Variants in BLTP1 observed in about 807,000 individuals in gnomAD.
The protein encoded by BLTP1 is bridge-like lipid transfer protein family member 1.
At chr4:122,316,921 T>C in the BLTP1 span, 1 of 1,204,760 alleles carries the variant, frequency 8.3e-7, no homozygotes, top group Non-Finnish European at 1.2e-6. Flanking sequence ...TCATAAGATG[T>C]TAAAAGTGGA....
At chr4:122,319,559 T>G in the BLTP1 span, among the ~76,000 whole-genome samples, 1 of 130,696 alleles carries the variant, frequency 7.7e-6, no homozygotes, top group Non-Finnish European at 1.7e-5. Context: ...TTTTTTTTTT[T>G]GACACAGAGT....
chr4:122,356,132 T>C, the BLTP1 span: 1 of 618,930 alleles, frequency 1.6e-6, no homozygotes, highest in Non-Finnish European at 2.7e-6. Context: ...TCTTATCAGC[T>C]ATATGACCTC....
chr4:122,341,868 G>C, the BLTP1 span: 2 of 965,412 alleles, frequency 2.1e-6, no homozygotes, highest in Non-Finnish European at 2.5e-6. Context: ...AAGTAAGTAT[G>C]GGTTAGCGAA....
chr4:122,254,618 C>CT, the BLTP1 span: 2 of 836,298 alleles, frequency 2.4e-6, no homozygotes, highest in Non-Finnish European at 2.8e-6. Context: ...TTTTTTTTTT[C>CT]TTTCTTTTCT....
At chr4:122,227,198 G>A in the BLTP1 span, 1 of 1,006,968 alleles carries the variant, frequency 9.9e-7, no homozygotes, top group Non-Finnish European at 1.2e-6. Flanking sequence ...ACATGACATG[G>A]TTTGCAGACC....
the BLTP1 span, among the ~76,000 whole-genome samples, chr4:122,178,383 G>A: frequency 6.6e-6 from 1 of 152,174 alleles, no homozygotes; most frequent in African/African-American, 2.4e-5. Context: ...AGCAATGAGG[G>A]AAATTAAGAG....
chr4:122,343,630 G>A, the BLTP1 span: 2 of 1,607,872 alleles, frequency 1.2e-6, no homozygotes, highest in South Asian at 1.1e-5. Context: ...GCATGTTTAT[G>A]TCTTTTTCAG....
chr4:122,258,676 C>T, the BLTP1 span: 1 of 1,600,718 alleles, frequency 6.2e-7, no homozygotes, highest in Non-Finnish European at 8.5e-7. Flanking sequence ...ATCTATTGCT[C>T]ACTTATTCTT....
the BLTP1 span, chr4:122,239,438 G>T: frequency 1.7e-6 from 2 of 1,178,220 alleles, no homozygotes; most frequent in Non-Finnish European, 1.2e-6. Flanking sequence ...TTACTAAAAG[G>T]ATTTTTATTG....
At chr4:122,184,038 A>G in the BLTP1 span, among the ~76,000 whole-genome samples, 64 of 152,332 alleles carry the variant, frequency 4.2e-4, no homozygotes, top group Non-Finnish European at 9.0e-4. Flanking sequence ...TAAAAAAGAA[A>G]AGTTTAGTCA....
the BLTP1 span, among the ~76,000 whole-genome samples, chr4:122,159,938 AGAATCCTGGGACT>A: frequency 6.6e-6 from 1 of 152,250 alleles, no homozygotes; most frequent in Non-Finnish European, 1.5e-5. Flanking sequence ...TGTTGTGTAT[AGAATCCTGGGACT>A]GAAAAGGACC....
the BLTP1 span, among the ~76,000 whole-genome samples, chr4:122,275,485 T>C: frequency 6.6e-6 from 1 of 152,168 alleles, no homozygotes; most frequent in African/African-American, 2.4e-5. Flanking sequence ...TGAAGTACCA[T>C]GGGTACGTTA....
chr4:122,296,924 A>T, the BLTP1 span, among the ~76,000 whole-genome samples: 1 of 152,242 alleles, frequency 6.6e-6, no homozygotes, highest in African/African-American at 2.4e-5. Flanking sequence ...TTAACTCAAG[A>T]TGGATTAAAG....
chr4:122,200,912 T>A, the BLTP1 span: 2 of 1,479,178 alleles, frequency 1.4e-6, no homozygotes, highest in East Asian at 4.7e-5. Context: ...GAAAATGTTT[T>A]AATTACTCAC....
the BLTP1 span, among the ~76,000 whole-genome samples, chr4:122,265,705 G>A: frequency 6.6e-6 from 1 of 152,068 alleles, no homozygotes; most frequent in Non-Finnish European, 1.5e-5. Context: ...GTTGTTGTTT[G>A]TTTGTTTGTT....
At chr4:122,277,425 A>G in the BLTP1 span, 1 of 980,178 alleles carries the variant, frequency 1.0e-6, no homozygotes, top group Non-Finnish European at 1.2e-6. Flanking sequence ...ATCATATCCT[A>G]TCTGTGGAAT....
At chr4:122,336,386 A>T in the BLTP1 span, 1 of 1,408,358 alleles carries the variant, frequency 7.1e-7, no homozygotes, top group Non-Finnish European at 9.7e-7. Flanking sequence ...TCCCCATAAC[A>T]TATATTTTGG....
At chr4:122,254,178 C>A in the BLTP1 span, 4 of 1,609,618 alleles carry the variant, frequency 2.5e-6, no homozygotes, top group Non-Finnish European at 3.4e-6. Flanking sequence ...AAGTTTTTGG[C>A]ATTCTATTTT....
chr4:122,230,245 C>T, the BLTP1 span: 16 of 1,574,056 alleles, frequency 1.0e-5, no homozygotes, highest in South Asian at 1.7e-4. Context: ...CAGTAGTCTC[C>T]TGTTCAGATG....
Sources: allele counts gnomAD v4.1 joint callset (sites outside exome capture counted in the v4.1 genomes callset), GRCh38; gene constraint gnomAD v4.1.1; transcripts MANE v1.5; gene names NCBI Gene and HGNC (gene_info 2026-07-23, HGNC 2026-07-21).